Variants in GRM4 observed in about 807,000 individuals in gnomAD.
The protein encoded by GRM4 is glutamate metabotropic receptor 4, also known as metabotropic glutamate receptor 4.
Under a neutral mutation model 81.7 loss-of-function variants are expected in GRM4, and 28 were observed. That is an observed-to-expected ratio of 0.34 (90% confidence interval 0.25 to 0.47). GRM4 has a LOEUF of 0.47. Among genes scored for constraint, GRM4 ranks in the 20% least tolerant of loss-of-function variants. The pLI is 1.00. For synonymous variants in GRM4, 488 were observed against 528.8 expected (o/e 0.92, Z 1.06); for missense variants, 948 against 1,290.0 (o/e 0.73, Z 4.06).
chr6:34,075,401 A>T lies in GRM4; in HGVS notation c.737-13373T>A, dbSNP rs573062917. Among the ~76,000 whole-genome samples, 10 of 152,218 alleles carry T rather than the reference A, an allele frequency of 6.6e-5. 1 individual carries two copies. The highest frequency in any genetic ancestry group is 6.5e-4 in the Admixed American group (10 of 15,300). On this transcript the variant is annotated intron_variant, in intron 3 of 10. Transcript: ENST00000538487. ...CGTTCCCCTCTAGACCTTTCCCAGT[A>T]CTGGTCCCTCTGCCAGAAATGCCCT... is the stretch of plus-strand genomic sequence containing the variant.
rs114778448 is a variant in GRM4 at position 34,037,104 on chromosome 6, G to A, written c.1507-501C>T. ...CCAGATGATTCCTGTGCACACTGGA[G>A]TGGAAGATGTGCTGCCCTACGGCCC... On this transcript the variant is annotated intron_variant, in intron 8 of 10. Transcript: ENST00000538487. 3.2e-3 allele frequency among the ~76,000 whole-genome samples: 481 copies of A among 152,354 alleles called. 2 individuals are homozygous for A. Among genetic ancestry groups the A allele is most frequent in the African/African-American group, 9.9e-3 (411 of 41,574 alleles).
chr6:34,129,476 C>G (rs1770153214), intron 2 of GRM4, among the ~76,000 whole-genome samples: 1 of 152,256 alleles, frequency 6.6e-6, no homozygotes, highest in Non-Finnish European at 1.5e-5. Flanking sequence ...AACCACTGGG[C>G]TTGGGTGCCC....
chr6:34,119,902 G>A (rs899271246), intron 2 of GRM4, among the ~76,000 whole-genome samples: 5 of 152,108 alleles, frequency 3.3e-5, no homozygotes, highest in East Asian at 1.9e-4. Context: ...CCAGGCCTGC[G>A]GTGAGGATAT....
At chr6:34,145,961 C>A in intron 1 of GRM4, 39 bp downstream of exon 1, 1 of 982,254 alleles carries the variant, frequency 1.0e-6, no homozygotes, top group Non-Finnish European at 1.2e-6. Flanking sequence ...CCGGAAGCCC[C>A]CCCCTTCCTC....
chr6:34,087,621 G>A (rs993528374), intron 3 of GRM4, among the ~76,000 whole-genome samples: 2 of 151,760 alleles, frequency 1.3e-5, no homozygotes, highest in Non-Finnish European at 2.9e-5. Flanking sequence ...TTTCCCTGGT[G>A]CAGCCTCAGC....
Position 34,050,207 on chromosome 6 carries a change from T to C in GRM4, c.1168+6337A>G, listed in dbSNP as rs540932152. Among the ~76,000 whole-genome samples the C allele has an allele frequency of 6.6e-5, 10 of 152,284 alleles. No homozygotes were observed. In the East Asian group the frequency reaches 9.7e-4, roughly 15 times the overall value. ...TGCACTTGCTGAGCGCTGTGCCTGGTGTGCCCTTTCCTAGGTCTCCACATG... is the reference window on the plus strand; with the variant it reads ...TGCACTTGCTGAGCGCTGTGCCTGGCGTGCCCTTTCCTAGGTCTCCACATG... On this transcript the variant is annotated intron_variant, in intron 6 of 10. Coordinates refer to ENST00000538487, the MANE Select transcript of GRM4 (RefSeq NM_000841.4).
At position 34,053,460 on chromosome 6, in the gene GRM4, A is replaced by G. The variant is rs533718797; in HGVS notation, c.1168+3084T>C. Among the ~76,000 whole-genome samples the G allele has an allele frequency of 5.8e-4, 89 of 152,144 alleles. 1 individual carries two copies. The highest frequency in any genetic ancestry group is 1.5e-3 in the South Asian group (7 of 4,812). On this transcript the variant is annotated intron_variant, in intron 6 of 10. Coordinates refer to ENST00000538487, the MANE Select transcript of GRM4 (RefSeq NM_000841.4). The stretch of plus-strand genomic sequence containing the variant: ...CGCCCCTCACCTCACCCAGAGATAG[A>G]CAGAGAGGCTCACAGCGCCTGGCCT...
chr6:34,110,713 G>T (rs188859234), intron 2 of GRM4: 1 of 1,520,972 alleles, frequency 6.6e-7, no homozygotes, highest in Non-Finnish European at 8.8e-7. Flanking sequence ...TCCCCGCTGT[G>T]CCGGGGTGCT....
chr6:34,148,454 C>T (rs963663388), upstream of GRM4, among the ~76,000 whole-genome samples: 5 of 151,976 alleles, frequency 3.3e-5, no homozygotes, highest in Non-Finnish European at 7.4e-5. Context: ...ACACACACAC[C>T]TCAAAGAACT....
rs1488815799 is a variant in GRM4 at position 34,092,223 on chromosome 6, C to A, written c.520-124G>T. 1.1e-5 allele frequency: 7 copies of A among 646,600 alleles called. No homozygotes were observed. Among genetic ancestry groups the A allele is most frequent in the Non-Finnish European group, 1.9e-5 (7 of 374,400 alleles). The allele number at this position is 646,600 out of a possible 1,614,324, so 40.1% of individuals were successfully genotyped here. On this transcript the variant is annotated intron_variant, in intron 2 of 10. Coordinates refer to ENST00000538487, the MANE Select transcript of GRM4 (RefSeq NM_000841.4). The surrounding 1 kb of genome is among the most constrained non-coding windows in gnomAD (Gnocchi z 6.8). ...GCCTTGGGACCACCACAGCCCACCC[C>A]TCCCCATGGGCGATGCCTCCTCCTC... is the stretch of plus-strand genomic sequence containing the variant.
intron 6 of GRM4, among the ~76,000 whole-genome samples, chr6:34,043,960 A>T (rs1765133450): frequency 6.6e-6 from 1 of 151,930 alleles, no homozygotes; most frequent in South Asian, 2.1e-4. Flanking sequence ...TCTCAAGTCT[A>T]CCCCCAGTAG....
rs534116779 is a variant in GRM4, at chr6:34,073,129, C to CCACA, written c.737-11105_737-11102dup. Among the ~76,000 whole-genome samples, 67 of 44,912 alleles carry CCACA rather than the reference C, an allele frequency of 1.5e-3. 1 individual carries two copies. In the East Asian group the frequency reaches 0.016, roughly 11 times the overall value. The allele number at this position is 44,912 out of a possible 152,430, so 29.5% of individuals were successfully genotyped here. A position where few individuals can be genotyped will look rare whatever the true frequency, so the allele number is the denominator to read the frequency against. On this transcript the variant is annotated intron_variant, in intron 3 of 10. Transcript: ENST00000538487. Reference sequence around the variant, plus strand: ...ACACACATCACCACACAGATACACACCACACACACACACACACATCACCAC... The same window carrying CCACA: ...ACACACATCACCACACAGATACACACCACACACACACACACACACACATCACCAC...
intron 2 of GRM4, chr6:34,103,923 G>A: frequency 2.4e-6 from 3 of 1,247,858 alleles, no homozygotes; most frequent in Non-Finnish European, 2.1e-6. Flanking sequence ...CAGATGTTCA[G>A]AGCCAGCCAT....
Position 34,028,219 on chromosome 6 carries a change from C to G in GRM4, c.2590G>C (p.Val864Leu), listed in dbSNP as rs771995442. Reference protein sequence around the residue: ...PKRKRSLKAVVTAATMSNKFT... With the variant: ...PKRKRSLKAVLTAATMSNKFT... Reference sequence around the variant, plus strand: ...TTGTTGGACATGGTGGCCGCCGTAACGACGGCTTTGAGGCTGCGCTTGCGC... The same window carrying G: ...TTGTTGGACATGGTGGCCGCCGTAAGGACGGCTTTGAGGCTGCGCTTGCGC... The change falls in exon 10 of 11, where the codon GTT becomes CTT. Residue 864 changes from valine to leucine, a missense_variant. Physicochemically the swap from Val to Leu is conservative, Grantham distance 32. Transcript: ENST00000538487. The G allele has an allele frequency of 6.2e-7, 1 of 1,613,998 alleles. No individual in the cohort carries two copies. The highest frequency in any genetic ancestry group is 1.3e-5 in the African/African-American group (1 of 74,952).
intron 3 of GRM4, among the ~76,000 whole-genome samples, chr6:34,087,132 A>T (rs1356531397): frequency 6.6e-6 from 1 of 151,072 alleles, no homozygotes; most frequent in Non-Finnish European, 1.5e-5. Context: ...CTCCAAAAAA[A>T]AAAAGGCCAG....
At chr6:34,105,241 C>T (rs2127496310) in intron 2 of GRM4, among the ~76,000 whole-genome samples, 1 of 152,296 alleles carries the variant, frequency 6.6e-6, no homozygotes, top group East Asian at 1.9e-4. Flanking sequence ...CAGCCCCAAG[C>T]TGGCAGAGAG....
chr6:34,035,742 T>G lies in GRM4; in HGVS notation c.2368A>C (p.Thr790Pro). 1 of 1,609,736 alleles carries G rather than the reference T, an allele frequency of 6.2e-7. No homozygotes were observed. The highest frequency in any genetic ancestry group is 8.5e-7 in the Non-Finnish European group (1 of 1,176,810). Residue 790 changes from threonine (T) to proline (P), a missense_variant, in exon 9 of 11, where the codon ACC becomes CCC. By Grantham distance (38) the Thr-to-Pro change is conservative. Transcript: ENST00000538487. This position sits in a 1 kb window ranked among gnomAD's most constrained non-coding sequence, Gnocchi z 6.6. ...TFNEAKPIGF[T>P]MYTTCIVWLA... ...CAGACGATGCAAGTGGTGTACATGGTGAAGCCAATGGGCTTGGCCTCATTG... is the reference window on the plus strand; with the variant it reads ...CAGACGATGCAAGTGGTGTACATGGGGAAGCCAATGGGCTTGGCCTCATTG...
intron 6 of GRM4, among the ~76,000 whole-genome samples, chr6:34,052,662 G>A (rs1233323184): frequency 6.6e-6 from 1 of 152,208 alleles, no homozygotes; most frequent in Non-Finnish European, 1.5e-5. Flanking sequence ...GCTAGACTCT[G>A]GAGACAGAGT....
chr6:34,035,559 T>TGAAAGACGGAAGAATGAGGCAA lies in GRM4; in HGVS notation c.2442+108_2442+109insTTGCCTCATTCTTCCGTCTTTC. 1 of 581,980 alleles carries TGAAAGACGGAAGAATGAGGCAA rather than the reference T, an allele frequency of 1.7e-6. No homozygotes were observed. The highest frequency in any genetic ancestry group is 2.4e-5 in the South Asian group (1 of 41,814). The allele number at this position is 581,980 out of a possible 1,614,324, so 36.1% of individuals were successfully genotyped here. A position where few individuals can be genotyped will look rare whatever the true frequency, so the allele number is the denominator to read the frequency against. The stretch of plus-strand genomic sequence containing the variant: ...GCAAGAAAGAAGGCAGAATGAGGCA[T>TGAAAGACGGAAGAATGAGGCAA]GAAAGAAGGCATTTCTGGAGCAGGG... On this transcript the variant is annotated intron_variant, in intron 9 of 10. Coordinates refer to ENST00000538487, the MANE Select transcript of GRM4 (RefSeq NM_000841.4). This position sits in a 1 kb window ranked among gnomAD's most constrained non-coding sequence, Gnocchi z 6.6.
Sources: allele counts gnomAD v4.1 joint callset (sites outside exome capture counted in the v4.1 genomes callset), GRCh38; gene constraint gnomAD v4.1.1; non-coding constraint Gnocchi (gnomAD v3.1); transcripts MANE v1.5; gene names NCBI Gene and HGNC (gene_info 2026-07-23, HGNC 2026-07-21).